The following B4GALT6 variants were observed in gnomAD, a reference collection of about 807,000 sequenced individuals.
The protein encoded by B4GALT6 is beta-1,4-galactosyltransferase 6.
Under a neutral mutation model 46.3 loss-of-function variants are expected in B4GALT6, and 14 were observed. That is an observed-to-expected ratio of 0.30 (90% CI 0.20 to 0.47). The LOEUF (loss-of-function observed/expected upper bound fraction) is 0.47, where lower values mean the gene tolerates loss of function less well. Among genes scored for constraint, B4GALT6 ranks in the 20% least tolerant of loss-of-function variants. The pLI is 0.99. For missense variants in B4GALT6, 386 were observed against 480.1 expected, an observed-to-expected ratio of 0.80 and a Z score of 1.83; for synonymous variants, 168 against 162.0, an observed-to-expected ratio of 1.04 and a Z score of -0.28.
chr18:31,625,820 A>G lies in B4GALT6; in HGVS notation c.1002-59T>C, dbSNP rs1292515430. 14 of 1,427,584 alleles carry G rather than the reference A, an allele frequency of 9.8e-6. No individual in the cohort carries two copies. The East Asian group carries it at 1.6e-4, about 17-fold the overall frequency. 88.4% of individuals were successfully genotyped at this position (1,427,584 alleles called of 1,614,324 possible). A position where few individuals can be genotyped will look rare whatever the true frequency, so the allele number is the denominator to read the frequency against. The stretch of plus-strand genomic sequence containing the variant: ...AAAACATGTTCAAAAAGGAAAACTG[A>G]TAAGGACTGTGTTCAAGGTCATCTT... On this transcript the variant is annotated intron_variant, in intron 8 of 8. Transcript: ENST00000306851.
chr18:31,703,378 A>T, the B4GALT6 span, among the ~76,000 whole-genome samples: 35 of 152,254 alleles, frequency 2.3e-4, no homozygotes, highest in East Asian at 6.0e-3. Context: ...TTTCAGTTTT[A>T]TATTATGCCT....
chr18:31,723,143 A>G, the B4GALT6 span, among the ~76,000 whole-genome samples: 9 of 152,182 alleles, frequency 5.9e-5, no homozygotes, highest in Non-Finnish European at 1.0e-4. Flanking sequence ...CCACCATCAC[A>G]CAATGTTAAT....
intron 3 of B4GALT6, among the ~76,000 whole-genome samples, chr18:31,645,801 A>G (rs78410284): frequency 6.6e-6 from 1 of 152,358 alleles, no homozygotes; most frequent in African/African-American, 2.4e-5. Flanking sequence ...TAACACTGCA[A>G]TTTAACAACT....
In B4GALT6 at chr18:31,635,772, C is replaced by T. The variant is rs111884961; in HGVS notation, c.588+2872G>A. On this transcript the variant is annotated intron_variant, in intron 5 of 8. Transcript: ENST00000306851. ...GGCAGAAGTTGCAGTGAGCTGAGAT[C>T]GTGCTATCGCACTCCAGCCTGGGCG... 3.3e-3 allele frequency among the ~76,000 whole-genome samples: 498 copies of T among 152,184 alleles called. 3 individuals carry two copies. Among genetic ancestry groups the T allele is most frequent in the African/African-American group, 0.012 (479 of 41,518 alleles).
intron 1 of B4GALT6, among the ~76,000 whole-genome samples, chr18:31,677,020 G>C (rs2074422467): frequency 6.6e-6 from 1 of 152,056 alleles, no homozygotes; most frequent in East Asian, 1.9e-4. Context: ...CATAGCTTTT[G>C]AATATACCAC....
chr18:31,652,680 T>C (rs1309079806), intron 3 of B4GALT6, among the ~76,000 whole-genome samples: 1 of 152,192 alleles, frequency 6.6e-6, no homozygotes, highest in Non-Finnish European at 1.5e-5. Flanking sequence ...TGTATCACAC[T>C]TCAGTTCATG....
chr18:31,722,313 G>T, the B4GALT6 span, among the ~76,000 whole-genome samples: 3 of 152,050 alleles, frequency 2.0e-5, no homozygotes, highest in African/African-American at 7.2e-5. Flanking sequence ...ACATACACAC[G>T]TATTCTCTGG....
chr18:31,716,213 C>A, the B4GALT6 span, among the ~76,000 whole-genome samples: 6 of 152,254 alleles, frequency 3.9e-5, no homozygotes, highest in South Asian at 6.2e-4. Context: ...TTGATTCACA[C>A]CTTTCCAGCC....
chr18:31,664,017 C>T (rs564910817), intron 2 of B4GALT6, among the ~76,000 whole-genome samples: 5 of 152,296 alleles, frequency 3.3e-5, no homozygotes, highest in Admixed American at 3.3e-4. Context: ...CCAGTGTTAT[C>T]GCATGTGGCC....
chr18:31,684,502 C>T lies in B4GALT6; in HGVS notation c.-76G>A. The stretch of plus-strand genomic sequence containing the variant: ...GGCCACTGTCCAGGCCCTAAACTTC[C>T]ATAAATGTGCTGAGAACCCCGAGAC... On this transcript the variant is annotated 5_prime_UTR_variant, in exon 1 of 9. The change abolishes an upstream ATG in the 5' untranslated region. Transcript: ENST00000306851. 6.4e-7 allele frequency: 1 copy of T among 1,559,602 alleles called. No homozygotes were observed. The highest frequency in any genetic ancestry group is 8.7e-7 in the Non-Finnish European group (1 of 1,153,284).
intron 2 of B4GALT6, among the ~76,000 whole-genome samples, chr18:31,661,160 T>A (rs1399451034): frequency 6.6e-6 from 1 of 152,192 alleles, no homozygotes; most frequent in African/African-American, 2.4e-5. Flanking sequence ...CAAACCATTA[T>A]CTACATTCTC....
chr18:31,699,881 T>C, the B4GALT6 span, among the ~76,000 whole-genome samples: 5 of 152,098 alleles, frequency 3.3e-5, no homozygotes, highest in African/African-American at 9.7e-5. Flanking sequence ...CCATCTATCA[T>C]AGAAGGAAGA....
intron 1 of B4GALT6, among the ~76,000 whole-genome samples, chr18:31,671,656 A>C (rs1216725783): frequency 2.6e-5 from 4 of 152,212 alleles, no homozygotes; most frequent in African/African-American, 4.8e-5. Flanking sequence ...CGATGGATAG[A>C]TTGCAAAAAA....
the B4GALT6 span, among the ~76,000 whole-genome samples, chr18:31,717,714 G>A: frequency 6.6e-6 from 1 of 152,082 alleles, no homozygotes; most frequent in African/African-American, 2.4e-5. Flanking sequence ...CAGCACTTTG[G>A]GAGGCCGAGG....
the B4GALT6 span, among the ~76,000 whole-genome samples, chr18:31,705,888 T>C: frequency 2.6e-5 from 4 of 152,230 alleles, no homozygotes; most frequent in African/African-American, 9.6e-5. Flanking sequence ...TTTTCTGAAA[T>C]GCCTATACAC....
At chr18:31,653,428 CTTTTT>C (rs1174613179) in intron 3 of B4GALT6, among the ~76,000 whole-genome samples, 9 of 143,088 alleles carry the variant, frequency 6.3e-5, no homozygotes, top group African/African-American at 2.3e-4. Flanking sequence ...CATTCATAAC[CTTTTT>C]TCTTTTTTTT....
intron 1 of B4GALT6, among the ~76,000 whole-genome samples, chr18:31,667,067 A>G (rs182782602): frequency 1.6e-4 from 24 of 152,286 alleles, no homozygotes; most frequent in African/African-American, 4.3e-4. Flanking sequence ...CTGCTGGGAG[A>G]AACTGGTAAA....
chr18:31,705,736 G>A, the B4GALT6 span, among the ~76,000 whole-genome samples: 1 of 152,194 alleles, frequency 6.6e-6, no homozygotes, highest in Non-Finnish European at 1.5e-5. Flanking sequence ...CAAAAATTAA[G>A]AGCTTAGACT....
intron 1 of B4GALT6, among the ~76,000 whole-genome samples, chr18:31,682,859 C>T (rs1349473714): frequency 6.6e-6 from 1 of 151,948 alleles, no homozygotes; most frequent in Non-Finnish European, 1.5e-5. Context: ...TATAAGACTC[C>T]AAAATGGCAA....
Sources: gnomAD v4.1 joint callset for allele counts (sites outside exome capture counted in the v4.1 genomes callset) on GRCh38, gnomAD v4.1.1 for gene constraint, MANE v1.5 for transcripts, NCBI Gene and HGNC (gene_info 2026-07-23, HGNC 2026-07-21) for gene names.